KIAA0825: variants seen among roughly 807,000 people sequenced by gnomAD.
KIAA0825 encodes KIAA0825.
In KIAA0825, 119 loss-of-function variants were observed where a neutral mutation model predicts 147.6. The ratio of observed to expected loss-of-function variants is 0.81; its 90% CI spans 0.69 to 0.94. The LOEUF is 0.94. KIAA0825 is among the 40% of genes least tolerant of loss of function. KIAA0825 has a pLI of 0.00. For synonymous variants in KIAA0825, 470 were observed against 518.1 expected, an observed-to-expected ratio of 0.91 and a Z score of 1.26; for missense variants, 1,381 against 1,472.7, an observed-to-expected ratio of 0.94 and a Z score of 1.02.
Position 94,377,298 on chromosome 5 carries a change from A to G in KIAA0825, c.3710+7070T>C, listed in dbSNP as rs1322622482. ...CCAAACTCATATGCAGTATATTCAGATGGTTAAAATAGCACAGCACTGCGC... is the reference window on the plus strand; with the variant it reads ...CCAAACTCATATGCAGTATATTCAGGTGGTTAAAATAGCACAGCACTGCGC... On this transcript the variant is annotated intron_variant, in intron 20 of 20. Transcript: ENST00000682413. Among the ~76,000 whole-genome samples the G allele has an allele frequency of 5.3e-5, 8 of 152,208 alleles. No individual in the cohort carries two copies. The East Asian group carries it at 1.5e-3, about 29-fold the overall frequency.
chr5:94,545,858 C>A (rs1021507237), intron 2 of KIAA0825, among the ~76,000 whole-genome samples: 1 of 152,174 alleles, frequency 6.6e-6, no homozygotes, highest in African/African-American at 2.4e-5. Context: ...CTTAGTCTTG[C>A]TCTTTAGGTA....
chr5:94,512,537 G>A (rs904710000), intron 5 of KIAA0825, among the ~76,000 whole-genome samples: 4 of 151,272 alleles, frequency 2.6e-5, no homozygotes, highest in African/African-American at 9.7e-5. Context: ...CAAGGCAAGA[G>A]GATTGCTTGA....
chr5:94,449,375 T>G (rs1461228529), intron 13 of KIAA0825, among the ~76,000 whole-genome samples: 1 of 152,134 alleles, frequency 6.6e-6, no homozygotes, highest in Non-Finnish European at 1.5e-5. Flanking sequence ...TAAAATGGAC[T>G]AAGGTTGTTA....
intron 20 of KIAA0825, among the ~76,000 whole-genome samples, chr5:94,315,217 A>T (rs1779538013): frequency 1.3e-5 from 2 of 151,658 alleles, no homozygotes; most frequent in African/African-American, 4.8e-5. Context: ...AATACTAAAA[A>T]GGCGTCTTCT....
Position 94,301,735 on chromosome 5 carries a change from C to G in KIAA0825, c.3710+82633G>C, listed in dbSNP as rs117362805. Among the ~76,000 whole-genome samples the G allele has an allele frequency of 2.6e-5, 4 of 151,964 alleles. No individual in the cohort carries two copies. In the East Asian group the frequency reaches 7.7e-4, roughly 29 times the overall value. ...TAAAGGACATTTAGCCTAATATATG[C>G]AAAAATGACAAGGATTTTCATAAAA... On this transcript the variant is annotated intron_variant, in intron 20 of 20. Transcript: ENST00000682413.
At position 94,542,241 on chromosome 5, in the gene KIAA0825, C is replaced by T. The variant is rs368984668; in HGVS notation, c.-1-5114G>A. ...CTGAAATGTTCATGACTATCAAACACGAGTTAACTGCATTGACTAAACTAA... is the reference window on the plus strand; with the variant it reads ...CTGAAATGTTCATGACTATCAAACATGAGTTAACTGCATTGACTAAACTAA... On this transcript the variant is annotated intron_variant, in intron 2 of 20. Coordinates refer to ENST00000682413, the MANE Select transcript of KIAA0825 (RefSeq NM_001145678.3). Among the ~76,000 whole-genome samples, 15 of 152,292 alleles carry T rather than the reference C, an allele frequency of 9.8e-5. No homozygotes were observed. In the South Asian group the frequency reaches 2.1e-3, roughly 21 times the overall value.
intron 20 of KIAA0825, among the ~76,000 whole-genome samples, chr5:94,256,305 A>G (rs1182222061): frequency 2.6e-5 from 4 of 152,088 alleles, no homozygotes; most frequent in Non-Finnish European, 4.4e-5. Context: ...TCTATTATTA[A>G]ATCTCTGGTA....
intron 1 of KIAA0825, chr5:94,593,498 AT>A: frequency 1.6e-6 from 1 of 644,300 alleles, no homozygotes; most frequent in Non-Finnish European, 2.9e-6. Flanking sequence ...TTTAGATATC[AT>A]TATCAACCAC....
At chr5:94,520,209 C>T (rs1409807164) in intron 5 of KIAA0825, 39 bp downstream of exon 5, 3 of 1,514,104 alleles carry the variant, frequency 2.0e-6, no homozygotes, top group Admixed American at 2.2e-5. Flanking sequence ...TATTAAAAGA[C>T]TTAAGTTAAA....
Position 94,509,187 on chromosome 5 carries a change from G to A in KIAA0825, c.970+11061C>T, listed in dbSNP as rs77958465. Among the ~76,000 whole-genome samples the A allele has an allele frequency of 2.2e-3, 342 of 152,254 alleles. 1 individual carries two copies. Among genetic ancestry groups the A allele is most frequent in the African/African-American group, 8.0e-3 (333 of 41,558 alleles). On this transcript the variant is annotated intron_variant, in intron 5 of 20. Transcript: ENST00000682413. ...ATGACAGAACCTTAAAGAACTATCA[G>A]GGCAGCAGAGAAAACCACAAGGATG...
intron 20 of KIAA0825, among the ~76,000 whole-genome samples, chr5:94,347,342 G>A (rs962089585): frequency 2.6e-5 from 4 of 152,164 alleles, no homozygotes; most frequent in Non-Finnish European, 2.9e-5. Flanking sequence ...GCAGGATGCC[G>A]ACCAGTACAA....
intron 20 of KIAA0825, among the ~76,000 whole-genome samples, chr5:94,164,215 A>G (rs1254533714): frequency 6.6e-6 from 1 of 152,188 alleles, no homozygotes; most frequent in African/African-American, 2.4e-5. Flanking sequence ...TAAAGTTTAT[A>G]TGGAACCACA....
intron 20 of KIAA0825, among the ~76,000 whole-genome samples, chr5:94,224,163 G>A (rs1368828593): frequency 7.7e-6 from 1 of 130,520 alleles, no homozygotes; most frequent in Non-Finnish European, 1.5e-5. Context: ...GCACAATCTC[G>A]GCTCACTACA....
At chr5:94,307,949 T>C (rs1778855165) in intron 20 of KIAA0825, among the ~76,000 whole-genome samples, 1 of 151,758 alleles carries the variant, frequency 6.6e-6, no homozygotes, top group South Asian at 2.1e-4. Flanking sequence ...GGTATTATAA[T>C]GTCACATCTT....
chr5:94,427,859 G>C (rs1755094724), intron 14 of KIAA0825, among the ~76,000 whole-genome samples: 1 of 152,084 alleles, frequency 6.6e-6, no homozygotes, highest in Admixed American at 6.6e-5. Context: ...CTGGGTGCTT[G>C]TTTTGTGTTT....
Position 94,524,076 on chromosome 5 carries a change from T to G in KIAA0825, c.154A>C (p.Ile52Leu). Residue 52 changes from isoleucine to leucine, a missense_variant, in exon 4 of 21, where the codon ATA (isoleucine) becomes CTA (leucine). Ile to Leu is a conservative substitution (Grantham distance 5). Transcript: ENST00000682413. ...AASIKHCIKE[I>L]QSEINKQCPG... ...CATTGTTTGTTAATTTCGGACTGTA[T>G]CTCTTTAATGCAATGTTTTATGCTA... 6.2e-7 allele frequency: 1 copy of G among 1,608,534 alleles called. No homozygotes were observed. The highest frequency in any genetic ancestry group is 8.5e-7 in the Non-Finnish European group (1 of 1,176,646).
chr5:94,246,046 T>C (rs1775593653), intron 20 of KIAA0825, among the ~76,000 whole-genome samples: 1 of 152,078 alleles, frequency 6.6e-6, no homozygotes, highest in African/African-American at 2.4e-5. Flanking sequence ...GAGAATAATA[T>C]CACAATAATG....
At chr5:94,388,484 T>C (rs151333761) in intron 18 of KIAA0825, among the ~76,000 whole-genome samples, 336 of 152,334 alleles carry the variant, frequency 2.2e-3, no homozygotes, top group African/African-American at 7.6e-3. Context: ...ATTTAGATTA[T>C]TGAACAGAAA....
intron 5 of KIAA0825, among the ~76,000 whole-genome samples, chr5:94,499,023 T>G (rs891545288): frequency 2.0e-5 from 3 of 152,208 alleles, no homozygotes; most frequent in African/African-American, 7.2e-5. Flanking sequence ...TTCTTTTACC[T>G]CCTAGATTTG....
Sources: gnomAD v4.1 joint callset for allele counts (sites outside exome capture counted in the v4.1 genomes callset) on GRCh38, gnomAD v4.1.1 for gene constraint, MANE v1.5 for transcripts, NCBI Gene and HGNC (gene_info 2026-07-23, HGNC 2026-07-21) for gene names.